ARFGEF1: variants seen among roughly 807,000 people sequenced by gnomAD.
The protein encoded by ARFGEF1 is ARF guanine nucleotide exchange factor 1.
Under a neutral mutation model 231.0 loss-of-function variants are expected in ARFGEF1, and 42 were observed. That is an observed-to-expected ratio of 0.18 (90% CI 0.14 to 0.24). The LOEUF (loss-of-function observed/expected upper bound fraction) is 0.24. Among genes scored for constraint, ARFGEF1 ranks in the 10% least tolerant of loss-of-function variants. ARFGEF1 has a pLI of 1.00. For missense variants in ARFGEF1, 1,345 were observed against 2,192.0 expected (o/e 0.61, Z 7.72); for synonymous variants, 710 against 732.3 (o/e 0.97, Z 0.49).
chr8:67,295,050 A>G (rs998474303), intron 5 of ARFGEF1, among the ~76,000 whole-genome samples: 8 of 152,318 alleles, frequency 5.3e-5, no homozygotes, highest in East Asian at 1.9e-4. Flanking sequence ...GGGCAACAAA[A>G]TAAGTAACTG....
chr8:67,215,182 A>G (rs1160525464), intron 33 of ARFGEF1, among the ~76,000 whole-genome samples: 1 of 152,166 alleles, frequency 6.6e-6, no homozygotes, highest in Admixed American at 6.5e-5. Flanking sequence ...CCCAGAATAG[A>G]GCATACTCAA....
At chr8:67,256,958 A>G (rs939724168) in intron 17 of ARFGEF1, among the ~76,000 whole-genome samples, 2 of 152,226 alleles carry the variant, frequency 1.3e-5, no homozygotes, top group Admixed American at 1.3e-4. Flanking sequence ...CTGCTTCAAA[A>G]TTATCTAGGG....
At chr8:67,220,596 GGTAAAGAAACCATA>G (rs1468508700) in intron 29 of ARFGEF1, among the ~76,000 whole-genome samples, 1 of 152,140 alleles carries the variant, frequency 6.6e-6, no homozygotes, top group Non-Finnish European at 1.5e-5. Flanking sequence ...TACTAGCAGT[GGTAAAGAAACCATA>G]GTAAAGAAAC....
At chr8:67,288,594 G>A (rs1473331825) in intron 6 of ARFGEF1, among the ~76,000 whole-genome samples, 3 of 152,024 alleles carry the variant, frequency 2.0e-5, no homozygotes, top group Non-Finnish European at 2.9e-5. Context: ...TTAGCCAGGC[G>A]CGGTGGCACA....
chr8:67,222,393 G>A (rs1231675759), intron 29 of ARFGEF1, among the ~76,000 whole-genome samples: 3 of 150,670 alleles, frequency 2.0e-5, no homozygotes, highest in Non-Finnish European at 4.4e-5. Flanking sequence ...ACCTTCCCAA[G>A]TAGCTGGGAT....
intron 1 of ARFGEF1, among the ~76,000 whole-genome samples, chr8:67,333,339 T>C (rs1808192449): frequency 6.6e-6 from 1 of 151,806 alleles, no homozygotes; most frequent in Admixed American, 6.6e-5. Context: ...GGCCTTTTTT[T>C]TTTTTTTTGA....
At position 67,224,984 on chromosome 8, in the gene ARFGEF1, C is replaced by T; in HGVS notation, c.4127G>A (p.Arg1376Lys). The change falls in exon 29 of 39, where the codon AGG (arginine) becomes AAG (lysine). Residue 1376 changes from arginine (R) to lysine (K), a missense_variant. Arg to Lys is a conservative substitution (Grantham distance 26). This residue lies in a region of ARFGEF1 where 142 missense variants were observed against 227.3 expected (regional missense o/e 0.62). Transcript: ENST00000262215. Reference protein sequence around the residue: ...SDDMNVAPEDRVWVRGWFPIL... With the variant: ...SDDMNVAPEDKVWVRGWFPIL... ...TGGGAACCATCCTCTCACCCACACC[C>T]TGTCTTCAGGTGCTACGTTCATATC... is the stretch of plus-strand genomic sequence containing the variant. The T allele has an allele frequency of 6.2e-7, 1 of 1,606,882 alleles. No homozygotes were observed. Among genetic ancestry groups the T allele is most frequent in the Non-Finnish European group, 8.5e-7 (1 of 1,176,582 alleles).
At chr8:67,196,522 G>A (rs867752715), downstream of ARFGEF1, among the ~76,000 whole-genome samples, 2 of 152,292 alleles carry the variant, frequency 1.3e-5, no homozygotes, top group Middle Eastern at 3.4e-3. Context: ...CCCAGGCACT[G>A]CTTCTCTCTC....
rs72654953 is a variant in ARFGEF1, at chr8:67,216,830, T to C, written c.4614-168A>G. Among the ~76,000 whole-genome samples the C allele has an allele frequency of 6.3e-3, 963 of 152,288 alleles. 2 individuals are homozygous for C. Among genetic ancestry groups the C allele is most frequent in the Non-Finnish European group, 0.011 (753 of 68,020 alleles). ...CCTAAAAAACATCTAGTAAAAAGTT[T>C]AAAATATGTACTTTTAGAAAAAAAT... On this transcript the variant is annotated intron_variant, in intron 32 of 38. Coordinates refer to ENST00000262215, the MANE Select transcript of ARFGEF1 (RefSeq NM_006421.5).
chr8:67,238,128 C>A (rs961500974), intron 22 of ARFGEF1, among the ~76,000 whole-genome samples: 1 of 152,172 alleles, frequency 6.6e-6, no homozygotes, highest in Non-Finnish European at 1.5e-5. Context: ...TATCCTTCTC[C>A]AACAACCAGA....
chr8:67,249,466 C>A (rs1840207260), intron 19 of ARFGEF1, among the ~76,000 whole-genome samples: 1 of 149,958 alleles, frequency 6.7e-6, no homozygotes, highest in African/African-American at 2.5e-5. Context: ...GAGGAGCATA[C>A]AAGTCTGCAC....
Position 67,217,984 on chromosome 8 carries a change from A to AT in ARFGEF1, c.4474+18dup, listed in dbSNP as rs200420059. 8.0e-4 allele frequency: 1,289 copies of AT among 1,612,166 alleles called. 35 individuals are homozygous for AT. The East Asian group carries it at 0.028, about 35-fold the overall frequency. On this transcript the variant is annotated intron_variant, in intron 31 of 38. Transcript: ENST00000262215. ...GGTCACATTTAACACTTTGTGTCAC[A>AT]TATCTGGTACAGACCTACCTTGCTG... is the stretch of plus-strand genomic sequence containing the variant.
At chr8:67,181,338 ATTT>A (rs58029238) in intron 5 of ARFGEF1, among the ~76,000 whole-genome samples, 170 of 112,636 alleles carry the variant, frequency 1.5e-3, no homozygotes, top group African/African-American at 4.7e-3. Flanking sequence ...GTACCTGGCC[ATTT>A]TTTTTTTTTT....
In ARFGEF1 at chr8:67,343,201, A is replaced by G. The variant is rs781213540; in HGVS notation, c.87T>C (p.His29=). 2 of 1,598,502 alleles carry G rather than the reference A, an allele frequency of 1.3e-6. No individual in the cohort carries two copies. The highest frequency in any genetic ancestry group is 1.7e-6 in the Non-Finnish European group (2 of 1,170,840). The change falls in exon 1 of 39, where the codon CAT becomes CAC. Residue 29 remains histidine (H), a synonymous_variant. Coordinates refer to ENST00000262215, the MANE Select transcript of ARFGEF1 (RefSeq NM_006421.5). ...CGCAAGCTTTGCGCAGCTGGGAGTG[A>G]TGCGCCTTCTTCACTTCCTTGTCGG... ...ILADKEVKKA[H]HSQLRKACEV... is the part of the protein sequence containing the mutation.
chr8:67,195,765 GATT>G (rs1837819472), downstream of ARFGEF1: 2 of 596,468 alleles, frequency 3.4e-6, no homozygotes, highest in Non-Finnish European at 6.0e-6. Flanking sequence ...AAAAGGCCAT[GATT>G]ATTGATTTAT....
chr8:67,232,633 T>G (rs749123800), intron 23 of ARFGEF1, among the ~76,000 whole-genome samples: 4 of 152,052 alleles, frequency 2.6e-5, no homozygotes, highest in Non-Finnish European at 4.4e-5. Flanking sequence ...TAGTATCTAT[T>G]GTAACTTAAA....
intron 19 of ARFGEF1, among the ~76,000 whole-genome samples, chr8:67,241,929 G>T (rs1839943462): frequency 6.6e-6 from 1 of 152,284 alleles, no homozygotes; most frequent in South Asian, 2.1e-4. Flanking sequence ...GCAACTGTGA[G>T]ACTTTACATT....
intron 38 of ARFGEF1, chr8:67,199,823 T>C (rs1838259701): frequency 6.0e-6 from 1 of 166,700 alleles, no homozygotes; most frequent in South Asian, 1.5e-4. Flanking sequence ...AAGTTGCTAT[T>C]TTTTTTTCTA....
intron 1 of ARFGEF1, among the ~76,000 whole-genome samples, chr8:67,316,921 A>C (rs1306908080): frequency 6.6e-6 from 1 of 152,174 alleles, no homozygotes; most frequent in African/African-American, 2.4e-5. Context: ...CTATGTGAGT[A>C]AAGTTTGGGC....
Sources: allele counts gnomAD v4.1 joint callset (sites outside exome capture counted in the v4.1 genomes callset), GRCh38; gene constraint gnomAD v4.1.1; regional missense constraint gnomAD v4.1.1; transcripts MANE v1.5; gene names NCBI Gene and HGNC (gene_info 2026-07-23, HGNC 2026-07-21).